The following DNAH3 variants were observed in gnomAD, a reference collection of about 807,000 sequenced individuals.
DNAH3 encodes dynein axonemal heavy chain 3.
In DNAH3, 332 loss-of-function variants were observed where a neutral mutation model predicts 432.5. That is an observed-to-expected ratio of 0.77 (90% CI 0.70 to 0.84). The LOEUF (loss-of-function observed/expected upper bound fraction) is 0.84, where lower values mean the gene tolerates loss of function less well. DNAH3 is among the 40% of genes least tolerant of loss of function. The probability of loss-of-function intolerance (pLI) is 0.00; values close to 1 mark genes in which losing one functional copy is unlikely to be tolerated. For synonymous variants in DNAH3, 1,956 were observed against 1,900.2 expected, an observed-to-expected ratio of 1.03 and a Z score of -0.76; for missense variants, 4,861 against 5,114.0, an observed-to-expected ratio of 0.95 and a Z score of 1.51.
At chr16:21,138,575 C>T (rs1422185004) in intron 5 of DNAH3, among the ~76,000 whole-genome samples, 3 of 152,184 alleles carry the variant, frequency 2.0e-5, no homozygotes, top group Non-Finnish European at 2.9e-5. Flanking sequence ...CTTTAGGAGG[C>T]TGAGGTGGGT....
chr16:21,098,683 A>C, exon 17 of DNAH3: 4 of 1,613,632 alleles, frequency 2.5e-6, no homozygotes, highest in Non-Finnish European at 2.5e-6. Context: ...ATTGTGCTTC[A>C]TTTCTTCTGT....
exon 23 of DNAH3, chr16:21,069,547 C>A (rs750348870): frequency 2.9e-5 from 46 of 1,613,342 alleles, no homozygotes; most frequent in Middle Eastern, 1.6e-4. Context: ...GGCATTTCAA[C>A]CAGGCATCCA....
At chr16:20,999,418 T>C (rs369043472) in intron 43 of DNAH3, among the ~76,000 whole-genome samples, 52 of 152,252 alleles carry the variant, frequency 3.4e-4, no homozygotes, top group African/African-American at 1.2e-3. Flanking sequence ...TCTGAGGGGC[T>C]GTTAGTTGGC....
exon 44 of DNAH3, chr16:20,997,356 G>A (rs750463953): frequency 6.8e-6 from 11 of 1,614,160 alleles, no homozygotes; most frequent in Non-Finnish European, 9.3e-6. Flanking sequence ...TGTCCAGCCT[G>A]GTTGTGTCTT....
intron 25 of DNAH3, among the ~76,000 whole-genome samples, chr16:21,060,800 A>G (rs1280662137): frequency 1.3e-5 from 2 of 148,274 alleles, no homozygotes; most frequent in Non-Finnish European, 3.0e-5. Context: ...CTGGGATTAC[A>G]GGTGTGAACC....
At chr16:21,058,286 G>T in intron 26 of DNAH3, 90 bp from the exon 27 acceptor site, 1 of 686,160 alleles carries the variant, frequency 1.5e-6, no homozygotes, top group Non-Finnish European at 2.6e-6. Context: ...CCTCACCACC[G>T]CAACAAAAAC....
chr16:21,029,452 G>A (rs1041172262), intron 37 of DNAH3, among the ~76,000 whole-genome samples: 1 of 152,196 alleles, frequency 6.6e-6, no homozygotes, highest in African/African-American at 2.4e-5. Context: ...ACCATCAGAA[G>A]AGGTGTATAA....
rs111715883 is a variant in DNAH3 at position 21,060,503 on chromosome 16, G to A, written c.3721-147C>T. 357 of 467,502 alleles carry A rather than the reference G, an allele frequency of 7.6e-4. 3 individuals carry two copies. Among genetic ancestry groups the A allele is most frequent in the African/African-American group, 6.7e-3 (315 of 47,064 alleles). The allele number at this position is 467,502 out of a possible 1,614,324, so 29.0% of individuals were successfully genotyped here. A position where few individuals can be genotyped will look rare whatever the true frequency, so the allele number is the denominator to read the frequency against. On this transcript the variant is annotated intron_variant, in intron 25 of 61. Transcript: ENST00000261383. ...TCAAGTCAATATTCTCTGTCTCCCC[G>A]TTCTTTTTTTCTTTTTTTTTTTCTT...
intron 41 of DNAH3, among the ~76,000 whole-genome samples, chr16:21,006,492 G>T (rs762140971): frequency 6.6e-5 from 10 of 152,046 alleles, no homozygotes; most frequent in Non-Finnish European, 1.3e-4. Context: ...ATCAACTTTA[G>T]AACTTTTCAT....
At chr16:20,936,789 T>C (rs768629736) in exon 60 of DNAH3, 2 of 1,613,704 alleles carry the variant, frequency 1.2e-6, no homozygotes, top group South Asian at 2.2e-5. Context: ...TCCGAGGACA[T>C]CAGGACCTGT....
intron 41 of DNAH3, among the ~76,000 whole-genome samples, chr16:21,017,278 T>C (rs2087908383): frequency 6.6e-6 from 1 of 152,100 alleles, no homozygotes; most frequent in South Asian, 2.1e-4. Context: ...CTCCCTGTGG[T>C]TCATCTTGTG....
intron 26 of DNAH3, among the ~76,000 whole-genome samples, chr16:21,058,959 C>T (rs1436798966): frequency 1.3e-5 from 2 of 151,908 alleles, no homozygotes. Context: ...ACCTATGTAA[C>T]AGACCTGCAT....
intron 43 of DNAH3, among the ~76,000 whole-genome samples, chr16:20,999,963 G>A (rs996521123): frequency 1.5e-5 from 2 of 137,314 alleles, no homozygotes; most frequent in African/African-American, 2.6e-5. Context: ...AGGAAGGAAA[G>A]AAAGAAGGAA....
At chr16:20,964,269 G>C in exon 53 of DNAH3, 1 of 1,614,186 alleles carries the variant, frequency 6.2e-7, no homozygotes. Flanking sequence ...CGATGCCAAG[G>C]AGTTGATCTT....
At chr16:21,094,083 T>C (rs1215631238) in intron 18 of DNAH3, among the ~76,000 whole-genome samples, 1 of 152,106 alleles carries the variant, frequency 6.6e-6, no homozygotes, top group Non-Finnish European at 1.5e-5. Context: ...GTTAAAACCT[T>C]TTTCTCTGTG....
chr16:21,111,635 G>A (rs141911419), exon 14 of DNAH3: 2 of 1,611,794 alleles, frequency 1.2e-6, no homozygotes, highest in Non-Finnish European at 1.7e-6. Context: ...CCTGGTATTG[G>A]TGTCTCGGTT....
At chr16:21,152,778 G>C (rs1318204651) in intron 1 of DNAH3, among the ~76,000 whole-genome samples, 2 of 152,248 alleles carry the variant, frequency 1.3e-5, no homozygotes, top group African/African-American at 4.8e-5. Context: ...TCCCCCAGCA[G>C]TGCTAGCCCA....
intron 8 of DNAH3, among the ~76,000 whole-genome samples, chr16:21,126,849 T>G (rs2092455190): frequency 6.6e-6 from 1 of 151,646 alleles, no homozygotes; most frequent in Admixed American, 6.6e-5. Context: ...GGGATCCAGG[T>G]TGCACACTCC....
rs2091460883 is a variant in DNAH3, at chr16:21,089,099, G to A, written c.2666-2039C>T. Among the ~76,000 whole-genome samples the A allele has an allele frequency of 1.3e-5, 2 of 152,190 alleles. 1 individual carries two copies. The highest frequency in any genetic ancestry group is 4.8e-5 in the African/African-American group (2 of 41,452). On this transcript the variant is annotated intron_variant, in intron 18 of 61. Transcript: ENST00000261383. ...AGCAGGCATCAGAACTGCCAGGAGG[G>A]CTTGTTAAAACACAGATTTCTGGGC...
Sources: gnomAD v4.1 joint callset for allele counts (sites outside exome capture counted in the v4.1 genomes callset) on GRCh38, gnomAD v4.1.1 for gene constraint, MANE v1.5 for transcripts, NCBI Gene and HGNC (gene_info 2026-07-23, HGNC 2026-07-21) for gene names.